The following HMGCL variants were observed in gnomAD, a reference collection of about 807,000 sequenced individuals.
The protein encoded by HMGCL is 3-hydroxy-3-methylglutaryl-CoA lyase, also known as hydroxymethylglutaryl-CoA lyase, mitochondrial.
HMGCL carries 26 observed loss-of-function variants against 37.3 expected under a neutral mutation model. The observed-to-expected ratio is 0.70, with a 90% confidence interval of 0.51 to 0.97. The LOEUF (loss-of-function observed/expected upper bound fraction) is 0.97, where lower values mean the gene tolerates loss of function less well. Among genes scored for constraint, HMGCL ranks in the 50% least tolerant of loss-of-function variants. The pLI is 0.00. For synonymous variants in HMGCL, 151 were observed against 148.0 expected (o/e 1.02, Z -0.15); for missense variants, 379 against 398.1 (o/e 0.95, Z 0.41).
At chr1:23,812,058 C>T (rs967559222) in intron 5 of HMGCL, among the ~76,000 whole-genome samples, 12 of 152,284 alleles carry the variant, frequency 7.9e-5, no homozygotes, top group Non-Finnish European at 1.2e-4. Context: ...TCCACCTGCC[C>T]GTCAGTGACT....
rs1239783360 is a variant in HMGCL, at chr1:23,810,717, C to T, written c.561+19G>A. 5 of 1,613,004 alleles carry T rather than the reference C, an allele frequency of 3.1e-6. No homozygotes were observed. The highest frequency in any genetic ancestry group is 1.7e-5 in the Admixed American group (1 of 59,992). On this transcript the variant is annotated intron_variant, in intron 6 of 8. Coordinates refer to ENST00000374490, the MANE Select transcript of HMGCL (RefSeq NM_000191.3). ...TGGCCAACCCTCACCAAACCCCCCG[C>T]CCTGACACATGCACACACCTCAGCT...
chr1:23,815,436 G>C (rs1638594713), intron 4 of HMGCL, among the ~76,000 whole-genome samples: 1 of 151,918 alleles, frequency 6.6e-6, no homozygotes, highest in South Asian at 2.1e-4. Flanking sequence ...CCTCCAGACT[G>C]TGAGAGAATA....
intron 2 of HMGCL, 92 bp downstream of exon 2, chr1:23,820,418 A>T: frequency 1.1e-6 from 1 of 888,710 alleles, no homozygotes; most frequent in South Asian, 1.3e-5. Flanking sequence ...CACATCTTGC[A>T]TAGCTCTGTC....
chr1:23,820,458 C>T, intron 2 of HMGCL, 52 bp downstream of exon 2: 2 of 1,249,562 alleles, frequency 1.6e-6, no homozygotes, highest in Non-Finnish European at 2.4e-6. Context: ...ACACGTAATA[C>T]TCAAAGCAGA....
intron 6 of HMGCL, among the ~76,000 whole-genome samples, chr1:23,808,870 G>A (rs1303292940): frequency 8.0e-5 from 12 of 149,720 alleles, no homozygotes; most frequent in Admixed American, 7.4e-4. Flanking sequence ...AGCCTCCCAA[G>A]TAGCTTGGAC....
intron 8 of HMGCL, 142 bp downstream of exon 8, chr1:23,804,258 G>C (rs1458345590): frequency 1.0e-6 from 1 of 957,808 alleles, no homozygotes; most frequent in Non-Finnish European, 1.6e-6. Flanking sequence ...TTACAGGCAT[G>C]AGCCACTGCG....
In HMGCL at chr1:23,812,185, A is replaced by G. The variant is rs557633770; in HGVS notation, c.498-1386T>C. On this transcript the variant is annotated intron_variant, in intron 5 of 8. Coordinates refer to ENST00000374490, the MANE Select transcript of HMGCL (RefSeq NM_000191.3). The stretch of plus-strand genomic sequence containing the variant: ...TCTAGTGGGGTGGGGCAGGGAGGGA[A>G]TTTAACAAGCAGCTAAGTGCTACAT... 2.0e-5 allele frequency among the ~76,000 whole-genome samples: 3 copies of G among 152,200 alleles called. No individual in the cohort carries two copies. The East Asian group carries it at 5.8e-4, about 29-fold the overall frequency.
intron 2 of HMGCL, among the ~76,000 whole-genome samples, chr1:23,820,042 A>G (rs903076363): frequency 3.9e-5 from 6 of 152,142 alleles, no homozygotes; most frequent in Non-Finnish European, 8.8e-5. Context: ...TGTAAGGAAC[A>G]CCCCCAAGGC....
At chr1:23,821,963 G>T (rs951575271) in intron 1 of HMGCL, among the ~76,000 whole-genome samples, 2 of 151,932 alleles carry the variant, frequency 1.3e-5, no homozygotes, top group Non-Finnish European at 2.9e-5. Flanking sequence ...CATTATTTTC[G>T]CTATTGCAGA....
intron 8 of HMGCL, chr1:23,804,169 G>C (rs1398238053): frequency 3.3e-6 from 2 of 612,072 alleles, no homozygotes; most frequent in African/African-American, 1.8e-5. Flanking sequence ...GGAGTACACT[G>C]GCAGGATCAT....
chr1:23,805,390 A>T (rs1638388694), intron 7 of HMGCL, among the ~76,000 whole-genome samples: 1 of 152,268 alleles, frequency 6.6e-6, no homozygotes, highest in African/African-American at 2.4e-5. Flanking sequence ...ATTCAAAGCA[A>T]AGTCCCTCAA....
chr1:23,808,394 G>A, intron 6 of HMGCL, 71 bp from the exon 7 acceptor site: 1 of 1,345,226 alleles, frequency 7.4e-7, no homozygotes, highest in Non-Finnish European at 1.1e-6. Flanking sequence ...TCAGAAGAGG[G>A]GGCCTTTGCC....
chr1:23,814,465 G>A (rs1638578219), intron 4 of HMGCL, 127 bp from the exon 5 acceptor site: 1 of 1,048,826 alleles, frequency 9.5e-7, no homozygotes, highest in Non-Finnish European at 1.4e-6. Context: ...CCACCTCCTG[G>A]GTTCAAGCGA....
At chr1:23,812,163 AGTGGG>A (rs754882645) in intron 5 of HMGCL, among the ~76,000 whole-genome samples, 148 of 148,962 alleles carry the variant, frequency 9.9e-4, no homozygotes, top group Non-Finnish European at 1.8e-3. Flanking sequence ...TGCACGGTCT[AGTGGG>A]GTGGGGCAGG....
Position 23,810,770 on chromosome 1 carries a change from T to G in HMGCL, c.527A>C (p.Tyr176Ser). 6.2e-7 allele frequency: 1 copy of G among 1,613,820 alleles called. No homozygotes were observed. Among genetic ancestry groups the G allele is most frequent in the Non-Finnish European group, 8.5e-7 (1 of 1,179,842 alleles). The change falls in exon 6 of 9, where the codon TAT becomes TCT. Residue 176 changes from tyrosine (Y) to serine (S), a missense_variant. Physicochemically the swap from Tyr to Ser is moderately radical, Grantham distance 144. Transcript: ENST00000374490. ...GYVSCALGCPYEGKISPAKVA... is the reference protein window; with the variant it reads ...GYVSCALGCPSEGKISPAKVA... ...TTTAGCTGGGGAGATCTTCCCTTCA[T>G]AAGGGCAGCCAAGAGCACAGGAGAC...
At chr1:23,804,066 T>G (rs1000477445) in intron 8 of HMGCL, 2 of 315,360 alleles carry the variant, frequency 6.3e-6, no homozygotes, top group African/African-American at 4.3e-5. Context: ...TCACAAACAT[T>G]AAAATATTAG....
chr1:23,819,538 G>A (rs555946168), intron 2 of HMGCL, among the ~76,000 whole-genome samples: 32 of 152,062 alleles, frequency 2.1e-4, no homozygotes, highest in Non-Finnish European at 4.4e-4. Flanking sequence ...AGACCAGCCC[G>A]GCCAACCTGG....
chr1:23,807,121 C>G (rs373425177), intron 7 of HMGCL: 3 of 519,024 alleles, frequency 5.8e-6, no homozygotes, highest in South Asian at 4.2e-5. Context: ...GTGTCCTGAG[C>G]GTGATCAGGA....
chr1:23,801,908 AATTAC>A lies in HMGCL; in HGVS notation c.*550_*554del, dbSNP rs1482651246. On this transcript the variant is annotated 3_prime_UTR_variant, in exon 9 of 9. Transcript: ENST00000374490. ...AATTATGATGTGCCATTCAACCTTTAATTACATAAGCTGTTTTCAAAAATCACATT... is the reference window on the plus strand; with the variant it reads ...AATTATGATGTGCCATTCAACCTTTAATAAGCTGTTTTCAAAAATCACATT... 2.4e-6 allele frequency: 1 copy of A among 418,534 alleles called. No individual in the cohort carries two copies. Among genetic ancestry groups the A allele is most frequent in the Non-Finnish European group, 4.2e-6 (1 of 236,454 alleles). 25.9% of individuals were successfully genotyped at this position (418,534 alleles called of 1,614,324 possible). A position where few individuals can be genotyped will look rare whatever the true frequency, so the allele number is the denominator to read the frequency against.
Sources: allele counts gnomAD v4.1 joint callset (sites outside exome capture counted in the v4.1 genomes callset), GRCh38; gene constraint gnomAD v4.1.1; transcripts MANE v1.5; gene names NCBI Gene and HGNC (gene_info 2026-07-23, HGNC 2026-07-21).